NMT2: variants seen among roughly 807,000 people sequenced by gnomAD.
The protein encoded by NMT2 is glycylpeptide N-tetradecanoyltransferase 2.
Under a neutral mutation model 65.4 loss-of-function variants are expected in NMT2, and 35 were observed. That is an observed-to-expected ratio of 0.54 (90% CI 0.41 to 0.71). NMT2 has a LOEUF of 0.71. NMT2 is among the 30% of genes least tolerant of loss of function. NMT2 has a pLI of 0.00. For synonymous variants in NMT2, 226 were observed against 231.8 expected (o/e 0.98, Z 0.23); for missense variants, 489 against 611.3 (o/e 0.80, Z 2.11).
At position 15,106,753 on chromosome 10, in the gene NMT2, A is replaced by G; in HGVS notation, c.*2442T>C. On this transcript the variant is annotated 3_prime_UTR_variant, in exon 12 of 12. Coordinates refer to ENST00000378165, the MANE Select transcript of NMT2 (RefSeq NM_004808.3). ...GGCTTTGCAGGCCACACAATCTGTC[A>G]CAACAACTCAACTCAGCTTTGTAGT... is the stretch of plus-strand genomic sequence containing the variant. The G allele has an allele frequency of 3.2e-6, 2 of 616,392 alleles. No homozygotes were observed. Among genetic ancestry groups the G allele is most frequent in the Non-Finnish European group, 4.1e-6 (2 of 492,824 alleles). The allele number at this position is 616,392 out of a possible 1,614,324, so 38.2% of individuals were successfully genotyped here. A position where few individuals can be genotyped will look rare whatever the true frequency, so the allele number is the denominator to read the frequency against.
intron 10 of NMT2, chr10:15,111,824 A>T (rs1845529075): frequency 6.6e-6 from 1 of 151,474 alleles, no homozygotes; most frequent in Non-Finnish European, 1.5e-5. Flanking sequence ...TAATTAATTA[A>T]TTAATTTGAG....
intron 3 of NMT2, among the ~76,000 whole-genome samples, chr10:15,133,713 G>A (rs918388619): frequency 1.3e-5 from 2 of 152,018 alleles, no homozygotes; most frequent in African/African-American, 4.8e-5. Context: ...CAGCCTCCCA[G>A]GTAGCTGGGA....
chr10:15,157,455 C>T (rs183481573), intron 1 of NMT2, among the ~76,000 whole-genome samples: 3 of 152,208 alleles, frequency 2.0e-5, no homozygotes, highest in South Asian at 2.1e-4. Context: ...AACCAGATTC[C>T]GTGGGCCATG....
Position 15,108,907 on chromosome 10 carries a change from A to G in NMT2, c.*288T>C. 2 of 1,176,064 alleles carry G rather than the reference A, an allele frequency of 1.7e-6. No homozygotes were observed. Among genetic ancestry groups the G allele is most frequent in the Non-Finnish European group, 2.1e-6 (2 of 951,808 alleles). 72.9% of individuals were successfully genotyped at this position (1,176,064 alleles called of 1,614,324 possible). A position where few individuals can be genotyped will look rare whatever the true frequency, so the allele number is the denominator to read the frequency against. ...AAAACAGTCCCTTTTCTAAGGGTGA[A>G]AAAATACCTCTTCAAGAGACAGGCA... On this transcript the variant is annotated 3_prime_UTR_variant, in exon 12 of 12. Transcript: ENST00000378165.
intron 2 of NMT2, among the ~76,000 whole-genome samples, chr10:15,136,306 G>A (rs967082189): frequency 2.3e-4 from 34 of 148,952 alleles, no homozygotes; most frequent in African/African-American, 6.2e-4. Flanking sequence ...GAGAGAAGGA[G>A]AGAGAAAGAG....
intron 1 of NMT2, among the ~76,000 whole-genome samples, chr10:15,159,396 A>ATATTTATTTATTTATTTATTTATTTATT (rs112463294): frequency 4.0e-5 from 6 of 149,318 alleles, no homozygotes; most frequent in South Asian, 2.1e-4. Context: ...CCTCCTTAAA[A>ATATTTATTTATTTATTTATTTATTTATT]TATTTATTTA....
intron 8 of NMT2, among the ~76,000 whole-genome samples, chr10:15,125,340 A>C (rs1846041267): frequency 1.3e-5 from 2 of 152,228 alleles, no homozygotes; most frequent in East Asian, 3.8e-4. Context: ...CTGGTTTCAT[A>C]ATACACGCCT....
At position 15,107,637 on chromosome 10, in the gene NMT2, T is replaced by C. The variant is rs1845350011; in HGVS notation, c.*1558A>G. The C allele has an allele frequency of 2.1e-6, 1 of 481,512 alleles. No homozygotes were observed. The highest frequency in any genetic ancestry group is 2.7e-6 in the Non-Finnish European group (1 of 370,212). The allele number at this position is 481,512 out of a possible 1,614,324, so 29.8% of individuals were successfully genotyped here. On this transcript the variant is annotated 3_prime_UTR_variant, in exon 12 of 12. Transcript: ENST00000378165. ...CAGCTAGTTCTTTTTGAATTTTTAG[T>C]AGAGATGGGGTTTCACCATGTTGGC...
At chr10:15,153,076 A>T (rs554566837) in intron 1 of NMT2, among the ~76,000 whole-genome samples, 1 of 152,004 alleles carries the variant, frequency 6.6e-6, no homozygotes. Flanking sequence ...AAAGAGAAAC[A>T]GCTCTCTCTA....
intron 10 of NMT2, among the ~76,000 whole-genome samples, chr10:15,112,283 A>G (rs1354689040): frequency 8.9e-6 from 1 of 112,006 alleles, no homozygotes; most frequent in Non-Finnish European, 1.7e-5. Context: ...GCTGGAGTGC[A>G]GTGGTGCAAT....
At chr10:15,145,149 C>T (rs560839623) in intron 1 of NMT2, among the ~76,000 whole-genome samples, 1 of 152,288 alleles carries the variant, frequency 6.6e-6, no homozygotes, top group South Asian at 2.1e-4. Flanking sequence ...ACACTAGTTG[C>T]CAAGGACCAT....
rs1332136287 is a variant in NMT2 at position 15,145,741 on chromosome 10, A to C, written c.111-4184T>G. On this transcript the variant is annotated intron_variant, in intron 1 of 11. Coordinates refer to ENST00000378165, the MANE Select transcript of NMT2 (RefSeq NM_004808.3). ...TGTGAATTATATCAAATGAAACAGA[A>C]GTGTTGACAGGTGACACTCCTGTCC... 5.9e-5 allele frequency among the ~76,000 whole-genome samples: 9 copies of C among 152,274 alleles called. 1 individual carries two copies. In the East Asian group the frequency reaches 1.7e-3, roughly 29 times the overall value.
At chr10:15,127,563 A>AAAAAAAAAAAAT (rs1846127241) in intron 8 of NMT2, among the ~76,000 whole-genome samples, 1 of 89,808 alleles carries the variant, frequency 1.1e-5, no homozygotes, top group Non-Finnish European at 1.9e-5. Context: ...AAAAAAAAAA[A>AAAAAAAAAAAAT]AAAAAAATAA....
chr10:15,123,129 T>G (rs1350114212), intron 8 of NMT2, among the ~76,000 whole-genome samples: 1 of 152,108 alleles, frequency 6.6e-6, no homozygotes, highest in African/African-American at 2.4e-5. Context: ...TTTGAACAAA[T>G]TTTTATAGAA....
chr10:15,156,420 C>T (rs529466686), intron 1 of NMT2, among the ~76,000 whole-genome samples: 18 of 152,156 alleles, frequency 1.2e-4, no homozygotes, highest in African/African-American at 3.6e-4. Context: ...GTCAATTAAA[C>T]CTCTTCCTTT....
intron 6 of NMT2, among the ~76,000 whole-genome samples, chr10:15,131,595 G>A (rs1340844340): frequency 1.3e-5 from 2 of 152,092 alleles, no homozygotes; most frequent in Admixed American, 1.3e-4. Context: ...GAGCTGGTGC[G>A]CTCTGAACTA....
chr10:15,119,605 G>A (rs1845856900), intron 8 of NMT2, 92 bp from the exon 9 acceptor site: 24 of 1,047,006 alleles, frequency 2.3e-5, no homozygotes, highest in Non-Finnish European at 2.9e-5. Context: ...CAGACCAGCA[G>A]AATGAGCAGC....
intron 1 of NMT2, among the ~76,000 whole-genome samples, chr10:15,161,718 A>G (rs1205741093): frequency 6.6e-6 from 1 of 152,210 alleles, no homozygotes; most frequent in African/African-American, 2.4e-5. Context: ...AGCTGTCAGG[A>G]AAGTCTAAAA....
chr10:15,106,976 G>A lies in NMT2; in HGVS notation c.*2219C>T, dbSNP rs1182912341. On this transcript the variant is annotated 3_prime_UTR_variant, in exon 12 of 12. Coordinates refer to ENST00000378165, the MANE Select transcript of NMT2 (RefSeq NM_004808.3). ...CTTAGCCAGGCGTGGTGGTATGCAC[G>A]CCCAGCTAGTTCTTTTTCTTCAAAA... Among the ~76,000 whole-genome samples the A allele has an allele frequency of 6.6e-5, 10 of 152,030 alleles. No homozygotes were observed. Among genetic ancestry groups the A allele is most frequent in the Admixed American group, 6.6e-4 (10 of 15,266 alleles).
Sources: allele counts gnomAD v4.1 joint callset (sites outside exome capture counted in the v4.1 genomes callset), GRCh38; gene constraint gnomAD v4.1.1; transcripts MANE v1.5; gene names NCBI Gene and HGNC (gene_info 2026-07-23, HGNC 2026-07-21).